SCFD2: variants seen among roughly 807,000 people sequenced by gnomAD.
SCFD2 encodes the protein sec1 family domain containing 2.
A neutral mutation model predicts 58.9 loss-of-function variants in SCFD2; 54 were observed. The ratio of observed to expected loss-of-function variants is 0.92; its 90% CI spans 0.74 to 1.15. SCFD2 has a LOEUF of 1.15. Ranked by LOEUF, SCFD2 falls within the 50% of genes most tolerant of loss-of-function variation. SCFD2 has a pLI of 0.00. For synonymous variants in SCFD2, 321 were observed against 335.9 expected, an observed-to-expected ratio of 0.96 and a Z score of 0.49; for missense variants, 805 against 836.6, an observed-to-expected ratio of 0.96 and a Z score of 0.47.
intron 4 of SCFD2, among the ~76,000 whole-genome samples, chr4:53,154,801 C>G (rs1266269407): frequency 6.6e-6 from 1 of 151,956 alleles, no homozygotes; most frequent in Non-Finnish European, 1.5e-5. Context: ...CATATGAGTG[C>G]TTAAAAATAG....
chr4:53,008,542 A>T (rs560678522), intron 5 of SCFD2, among the ~76,000 whole-genome samples: 16 of 152,182 alleles, frequency 1.1e-4, no homozygotes, highest in Admixed American at 5.2e-4. Flanking sequence ...CAACAACAAA[A>T]CTCTTTACAA....
intron 4 of SCFD2, among the ~76,000 whole-genome samples, chr4:53,228,760 G>A (rs1352391481): frequency 4.6e-5 from 7 of 152,154 alleles, no homozygotes; most frequent in Non-Finnish European, 1.0e-4. Flanking sequence ...AGTGTTGGAA[G>A]TTCTGGTCAG....
chr4:52,956,420 C>G lies in SCFD2; in HGVS notation c.1562-35550G>C, dbSNP rs1237658565. 4 of 363,942 alleles carry G rather than the reference C, an allele frequency of 1.1e-5. No individual in the cohort carries two copies. The Admixed American group carries it at 1.5e-4, about 13-fold the overall frequency. The allele number at this position is 363,942 out of a possible 1,614,324, so 22.5% of individuals were successfully genotyped here. ...AGGAAAAGAGGAAAATGTACTGGCT[C>G]AAGTAACCAGGCTGAGGGAAGGGCA... On this transcript the variant is annotated intron_variant, in intron 5 of 8. Coordinates refer to ENST00000401642, the MANE Select transcript of SCFD2 (RefSeq NM_152540.4).
chr4:53,208,252 G>A (rs574448498), intron 4 of SCFD2, among the ~76,000 whole-genome samples: 3 of 151,944 alleles, frequency 2.0e-5, no homozygotes, highest in East Asian at 1.9e-4. Context: ...GGCCAGACAC[G>A]AGCCACCACA....
chr4:53,020,001 C>A (rs1208491766), intron 5 of SCFD2, among the ~76,000 whole-genome samples: 2 of 152,146 alleles, frequency 1.3e-5, no homozygotes, highest in African/African-American at 4.8e-5. Context: ...CAACGCTGGG[C>A]TACTGATCTT....
intron 2 of SCFD2, among the ~76,000 whole-genome samples, chr4:53,347,538 T>C (rs1350102148): frequency 6.6e-6 from 1 of 150,844 alleles, no homozygotes; most frequent in Non-Finnish European, 1.5e-5. Flanking sequence ...AAAAATGAAA[T>C]AGGGAAGGGG....
At chr4:53,137,065 T>C (rs1364487581) in intron 5 of SCFD2, among the ~76,000 whole-genome samples, 1 of 152,252 alleles carries the variant, frequency 6.6e-6, no homozygotes, top group Non-Finnish European at 1.5e-5. Flanking sequence ...GTTTCCTACC[T>C]AATGTACATT....
At chr4:52,926,485 G>C (rs1719867410) in intron 5 of SCFD2, among the ~76,000 whole-genome samples, 1 of 152,142 alleles carries the variant, frequency 6.6e-6, no homozygotes, top group South Asian at 2.1e-4. Context: ...CTGGGAGTAG[G>C]AGGGCGTAGC....
At chr4:52,966,365 C>T (rs773595233) in intron 5 of SCFD2, among the ~76,000 whole-genome samples, 1 of 152,190 alleles carries the variant, frequency 6.6e-6, no homozygotes, top group African/African-American at 2.4e-5. Context: ...GAGTCCTTTC[C>T]CAGGCAGTGC....
intron 5 of SCFD2, among the ~76,000 whole-genome samples, chr4:52,988,307 G>C (rs915531160): frequency 6.6e-6 from 1 of 152,264 alleles, no homozygotes; most frequent in South Asian, 2.1e-4. Context: ...GAAAAGTTAT[G>C]GCCTCACCCA....
chr4:53,188,600 T>C (rs1023297106), intron 4 of SCFD2, among the ~76,000 whole-genome samples: 3 of 152,112 alleles, frequency 2.0e-5, no homozygotes, highest in East Asian at 1.9e-4. Context: ...TGTAACTAGA[T>C]TGCACGTTCA....
At chr4:53,240,581 T>C (rs1165803877) in intron 4 of SCFD2, among the ~76,000 whole-genome samples, 1 of 152,256 alleles carries the variant, frequency 6.6e-6, no homozygotes, top group Non-Finnish European at 1.5e-5. Flanking sequence ...CAACTAATAC[T>C]TTCCCATTTG....
intron 4 of SCFD2, among the ~76,000 whole-genome samples, chr4:53,256,916 G>A (rs1577906008): frequency 7.6e-6 from 1 of 131,832 alleles, no homozygotes; most frequent in South Asian, 2.8e-4. Flanking sequence ...GGGACGGGGA[G>A]GGGGAGGGGG....
chr4:53,167,545 G>A lies in SCFD2; in HGVS notation c.1312-21963C>T, dbSNP rs79957021. Among the ~76,000 whole-genome samples the A allele has an allele frequency of 1.1e-4, 16 of 152,246 alleles. No homozygotes were observed. The East Asian group carries it at 2.3e-3, about 22-fold the overall frequency. ...TCCAAAATTCCAACCCTAAAACATA[G>A]TTACATTTTAAGATATCTAGCTCCT... On this transcript the variant is annotated intron_variant, in intron 4 of 8. Transcript: ENST00000401642.
At chr4:52,910,484 A>T (rs535819906) in intron 6 of SCFD2, among the ~76,000 whole-genome samples, 20 of 152,338 alleles carry the variant, frequency 1.3e-4, no homozygotes, top group Admixed American at 4.6e-4. Flanking sequence ...GATCTCTGTT[A>T]CTTGTAACTG....
At chr4:53,026,348 G>C (rs188202284) in intron 5 of SCFD2, among the ~76,000 whole-genome samples, 1 of 152,328 alleles carries the variant, frequency 6.6e-6, no homozygotes, top group African/African-American at 2.4e-5. Flanking sequence ...CAGGGCAGGA[G>C]TTATCACTGT....
chr4:53,129,052 C>T (rs1725712971), intron 5 of SCFD2, among the ~76,000 whole-genome samples: 1 of 152,144 alleles, frequency 6.6e-6, no homozygotes, highest in Admixed American at 6.5e-5. Context: ...TATAATTTGG[C>T]TTTAAAAAAG....
intron 5 of SCFD2, among the ~76,000 whole-genome samples, chr4:52,942,883 A>G (rs1273788044): frequency 6.6e-6 from 1 of 152,090 alleles, no homozygotes; most frequent in Non-Finnish European, 1.5e-5. Flanking sequence ...ATTTGCCTAT[A>G]TAGGAAAGCT....
At chr4:52,937,496 G>A (rs55722343) in intron 5 of SCFD2, among the ~76,000 whole-genome samples, 1 of 152,226 alleles carries the variant, frequency 6.6e-6, no homozygotes, top group East Asian at 1.9e-4. Flanking sequence ...GGCTCCTGTA[G>A]AGAGCACACA....
Sources: allele counts gnomAD v4.1 joint callset (sites outside exome capture counted in the v4.1 genomes callset), GRCh38; gene constraint gnomAD v4.1.1; transcripts MANE v1.5; gene names NCBI Gene and HGNC (gene_info 2026-07-23, HGNC 2026-07-21).